The following GLIPR2 variants were observed in gnomAD, a reference collection of about 807,000 sequenced individuals.
GLIPR2 encodes the protein Golgi-associated plant pathogenesis-related protein 1.
Under a neutral mutation model 20.4 loss-of-function variants are expected in GLIPR2, and 21 were observed. The ratio of observed to expected loss-of-function variants is 1.03; its 90% CI spans 0.73 to 1.48. GLIPR2 has a LOEUF of 1.48. Among genes scored for constraint, GLIPR2 ranks in the 40% most tolerant of loss-of-function variants. The pLI is 0.00. For synonymous variants in GLIPR2, 91 were observed against 80.5 expected, an observed-to-expected ratio of 1.13 and a Z score of -0.70; for missense variants, 205 against 200.1, an observed-to-expected ratio of 1.02 and a Z score of -0.15.
At position 36,148,621 on chromosome 9, in the gene GLIPR2, A is replaced by G; in HGVS notation, c.197A>G (p.Asn66Ser). 6.2e-7 allele frequency: 1 copy of G among 1,613,778 alleles called. No homozygotes were observed. The highest frequency in any genetic ancestry group is 8.5e-7 in the Non-Finnish European group (1 of 1,179,702). ...TCCAGCCGTGGCCAGTGTGGGGAGA[A>G]CCTTGCATGGGCATCCTATGATCAG... ...PESSRGQCGE[N>S]LAWASYDQTG... is the part of the protein sequence containing the mutation. The change falls in exon 3 of 5, where the codon AAC becomes AGC. Residue 66 changes from asparagine (N) to serine (S), a missense_variant. Physicochemically the swap from Asn to Ser is conservative, Grantham distance 46. Transcript: ENST00000377960.
rs986000740 is a variant in GLIPR2, at chr9:36,158,962, G to T, written c.305-3400G>T. On this transcript the variant is annotated intron_variant, in intron 4 of 4. Transcript: ENST00000377960. ...CACCTGTAGTCCCAGCTACTCAGGA[G>T]GCTGAGGCATGAGAATCACTTGAAC... Among the ~76,000 whole-genome samples the T allele has an allele frequency of 3.4e-4, 51 of 152,148 alleles. 1 individual carries two copies. The highest frequency in any genetic ancestry group is 1.2e-3 in the African/African-American group (48 of 41,420).
chr9:36,139,559 T>A (rs766589368), intron 1 of GLIPR2, among the ~76,000 whole-genome samples: 2 of 152,156 alleles, frequency 1.3e-5, no homozygotes, highest in Non-Finnish European at 2.9e-5. Context: ...CTGCTGTCTG[T>A]GTCTATAGGG....
At chr9:36,144,820 A>C (rs1825256297) in intron 1 of GLIPR2, 1 of 151,966 alleles carries the variant, frequency 6.6e-6, no homozygotes, top group African/African-American at 2.4e-5. Flanking sequence ...AGTTACCTTC[A>C]CCTTCTGGGT....
intron 4 of GLIPR2, among the ~76,000 whole-genome samples, chr9:36,158,048 A>G (rs1323352952): frequency 6.6e-6 from 1 of 151,634 alleles, no homozygotes; most frequent in Non-Finnish European, 1.5e-5. Context: ...CCTGACCTCA[A>G]GTGATCCGCC....
In GLIPR2 at chr9:36,141,867, G is replaced by A. The variant is rs753834585; in HGVS notation, c.13+5076G>A. ...TCAGAATCTCTACAGAGCCTCCAGC[G>A]GTAGAGGCCTGGCCTCCAGAAGGAA... On this transcript the variant is annotated intron_variant, in intron 1 of 4. Transcript: ENST00000377960. The A allele has an allele frequency of 8.6e-5, 39 of 454,806 alleles. 1 individual carries two copies. The highest frequency in any genetic ancestry group is 3.9e-4 in the South Asian group (25 of 64,516). The allele number at this position is 454,806 out of a possible 1,614,324, so 28.2% of individuals were successfully genotyped here. A position where few individuals can be genotyped will look rare whatever the true frequency, so the allele number is the denominator to read the frequency against.
intron 4 of GLIPR2, among the ~76,000 whole-genome samples, chr9:36,154,539 T>C (rs1825746118): frequency 6.6e-6 from 1 of 152,170 alleles, no homozygotes; most frequent in Non-Finnish European, 1.5e-5. Flanking sequence ...CTGTGACATA[T>C]TTGGTGTGTT....
intron 3 of GLIPR2, among the ~76,000 whole-genome samples, chr9:36,148,985 C>T (rs575779295): frequency 9.3e-4 from 141 of 152,306 alleles, no homozygotes; most frequent in African/African-American, 3.2e-3. Context: ...ATTCTGTGTC[C>T]ACCAGAGCAT....
At chr9:36,162,335 C>T (rs1826091096) in intron 4 of GLIPR2, 27 bp from the exon 5 acceptor site, 1 of 1,602,900 alleles carries the variant, frequency 6.2e-7, no homozygotes, top group African/African-American at 1.3e-5. Flanking sequence ...CAGCCGTGTC[C>T]CTCTCCCTCT....
intron 4 of GLIPR2, among the ~76,000 whole-genome samples, chr9:36,160,957 C>T (rs1428141842): frequency 1.3e-5 from 2 of 151,846 alleles, no homozygotes. Context: ...GTGGGAGGAT[C>T]ACTTAAACCA....
At chr9:36,141,345 C>A (rs1368858722) in intron 1 of GLIPR2, among the ~76,000 whole-genome samples, 1 of 145,990 alleles carries the variant, frequency 6.8e-6, no homozygotes, top group Non-Finnish European at 1.5e-5. Context: ...GAAATTCATT[C>A]TTTTTTTTTT....
chr9:36,138,221 C>CT (rs530709345), intron 1 of GLIPR2, among the ~76,000 whole-genome samples: 2,034 of 148,306 alleles, frequency 0.014, 58 homozygotes, highest in African/African-American at 0.047. Context: ...CCTTAGGCTA[C>CT]TTTTTTTTTT....
intron 4 of GLIPR2, among the ~76,000 whole-genome samples, chr9:36,154,738 C>G (rs1189605764): frequency 6.6e-6 from 1 of 152,206 alleles, no homozygotes; most frequent in Non-Finnish European, 1.5e-5. Flanking sequence ...TCTGTGCAGA[C>G]AGAAACCTCC....
Position 36,162,461 on chromosome 9 carries a change from C to T in GLIPR2, c.404C>T (p.Pro135Leu). The change falls in exon 5 of 5, where the codon CCA becomes CTA. Residue 135 changes from proline to leucine, a missense_variant. Physicochemically the swap from Pro to Leu is moderately conservative, Grantham distance 98. Coordinates refer to ENST00000377960, the MANE Select transcript of GLIPR2 (RefSeq NM_022343.4). ...TCCTTTGTGGTGGCCAGATACTTCC[C>T]AGCGGGGAATGTTGTCAATGAGGGC... ...GSSFVVARYF[P>L]AGNVVNEGFF... 1 of 1,614,132 alleles carries T rather than the reference C, an allele frequency of 6.2e-7. No individual in the cohort carries two copies. The highest frequency in any genetic ancestry group is 1.3e-5 in the African/African-American group (1 of 75,048).
At chr9:36,139,564 A>T (rs1428604806) in intron 1 of GLIPR2, among the ~76,000 whole-genome samples, 1 of 152,152 alleles carries the variant, frequency 6.6e-6, no homozygotes, top group African/African-American at 2.4e-5. Flanking sequence ...GTCTGTGTCT[A>T]TAGGGCAGGT....
In GLIPR2 at chr9:36,154,071, ATATATTATATAT is replaced by A. The variant is rs1369710489; in HGVS notation, c.304+3128_304+3139del. 7.8e-3 allele frequency among the ~76,000 whole-genome samples: 997 copies of A among 128,546 alleles called. 18 individuals carry two copies. The highest frequency in any genetic ancestry group is 0.027 in the African/African-American group (949 of 35,282). The allele number at this position is 128,546 out of a possible 152,430, so 84.3% of individuals were successfully genotyped here. ...CTTATCATATTATATATTATATATT[ATATATTATATAT>A]TATATATATATATCTTTTCCCCCCC... On this transcript the variant is annotated intron_variant, in intron 4 of 4. Transcript: ENST00000377960.
At chr9:36,156,406 A>G (rs1393243384) in intron 4 of GLIPR2, among the ~76,000 whole-genome samples, 3 of 142,110 alleles carry the variant, frequency 2.1e-5, no homozygotes, top group Non-Finnish European at 4.7e-5. Context: ...AAAAAAAAAA[A>G]AAAAAAGAAA....
rs181443858 is a variant in GLIPR2 at position 36,143,820 on chromosome 9, C to T, written c.14-3966C>T. ...ACCTTGTGAGGTAGCTCCTTTTGGT[C>T]GCCAGAAAGCTTTGACTAGGAAAGA... On this transcript the variant is annotated intron_variant, in intron 1 of 4. Coordinates refer to ENST00000377960, the MANE Select transcript of GLIPR2 (RefSeq NM_022343.4). Among the ~76,000 whole-genome samples, 9 of 152,230 alleles carry T rather than the reference C, an allele frequency of 5.9e-5. No homozygotes were observed. The East Asian group carries it at 1.4e-3, about 23-fold the overall frequency.
At chr9:36,141,182 G>C (rs1356300016) in intron 1 of GLIPR2, among the ~76,000 whole-genome samples, 1 of 152,098 alleles carries the variant, frequency 6.6e-6, no homozygotes, top group African/African-American at 2.4e-5. Context: ...AGCCTTGTGA[G>C]GTAGATACTG....
intron 2 of GLIPR2, among the ~76,000 whole-genome samples, chr9:36,148,270 G>T (rs1026425105): frequency 1.3e-5 from 2 of 151,928 alleles, no homozygotes; most frequent in African/African-American, 2.4e-5. Context: ...ACGTTGGGGG[G>T]CCCTGCATGG....
Sources: gnomAD v4.1 joint callset for allele counts (sites outside exome capture counted in the v4.1 genomes callset) on GRCh38, gnomAD v4.1.1 for gene constraint, MANE v1.5 for transcripts, NCBI Gene and HGNC (gene_info 2026-07-23, HGNC 2026-07-21) for gene names.